The following KLRG2 variants were observed in gnomAD, a reference collection of about 807,000 sequenced individuals.
KLRG2 encodes the protein killer cell lectin-like receptor subfamily G member 2.
A neutral mutation model predicts 35.4 loss-of-function variants in KLRG2; 39 were observed. The ratio of observed to expected loss-of-function variants is 1.10; its 90% confidence interval spans 0.85 to 1.44. The LOEUF is 1.44. Ranked by LOEUF, KLRG2 falls within the 40% of genes most tolerant of loss-of-function variation. The pLI, the probability that KLRG2 is intolerant of heterozygous loss-of-function variation, is 0.00. For missense variants in KLRG2, 632 were observed against 570.9 expected, an observed-to-expected ratio of 1.11 and a Z score of -1.09; for synonymous variants, 283 against 265.8, an observed-to-expected ratio of 1.06 and a Z score of -0.63.
At chr7:139,428,903 GAGC>G in the KLRG2 span, among the ~76,000 whole-genome samples, 1 of 152,222 alleles carries the variant, frequency 6.6e-6, no homozygotes, top group Non-Finnish European at 1.5e-5. Flanking sequence ...AACACATAAA[GAGC>G]GGGTGTAACA....
chr7:139,445,797 G>GTATATATA, the KLRG2 span, among the ~76,000 whole-genome samples: 112 of 99,050 alleles, frequency 1.1e-3, 10 homozygotes, highest in African/African-American at 8.1e-3. Flanking sequence ...ATATATGTGT[G>GTATATATA]TATATATATA....
chr7:139,453,803 A>G, intron 4 of KLRG2, 96 bp from the exon 5 acceptor site: 2 of 1,462,694 alleles, frequency 1.4e-6, no homozygotes, highest in African/African-American at 1.4e-5. Flanking sequence ...TGTCACCTCT[A>G]CCGGCCTGGG....
At chr7:139,478,508 A>G (rs1300495551) in intron 3 of KLRG2, among the ~76,000 whole-genome samples, 1 of 152,008 alleles carries the variant, frequency 6.6e-6, no homozygotes, top group Non-Finnish European at 1.5e-5. Flanking sequence ...CATCTCTACT[A>G]AAAATACAAA....
intron 3 of KLRG2, among the ~76,000 whole-genome samples, chr7:139,476,443 CTTTT>C (rs10543223): frequency 0.16 from 22,926 of 147,622 alleles, 1,893 homozygotes; most frequent in Middle Eastern, 0.19. Flanking sequence ...GTGTCACTAT[CTTTT>C]TTTTTTTTCC....
chr7:139,446,022 G>A, the KLRG2 span, among the ~76,000 whole-genome samples: 2 of 151,762 alleles, frequency 1.3e-5, no homozygotes, highest in Non-Finnish European at 1.5e-5. Flanking sequence ...TAGTAGAAAC[G>A]AGGTTTCCAT....
intron 3 of KLRG2, among the ~76,000 whole-genome samples, chr7:139,475,585 C>G (rs1414749613): frequency 6.6e-6 from 1 of 151,856 alleles, no homozygotes; most frequent in Non-Finnish European, 1.5e-5. Flanking sequence ...CACACCCCAC[C>G]CAGCTCTATA....
chr7:139,471,539 T>C (rs1796755516), intron 3 of KLRG2, among the ~76,000 whole-genome samples: 1 of 152,024 alleles, frequency 6.6e-6, no homozygotes, highest in African/African-American at 2.4e-5. Flanking sequence ...CAGGTGCCTG[T>C]AACCCCAGCT....
the KLRG2 span, among the ~76,000 whole-genome samples, chr7:139,428,551 G>A: frequency 6.6e-6 from 1 of 152,076 alleles, no homozygotes; most frequent in Non-Finnish European, 1.5e-5. Context: ...GAGCTACCCT[G>A]CCTGGCCAGT....
the KLRG2 span, among the ~76,000 whole-genome samples, chr7:139,431,870 GA>G: frequency 2.6e-5 from 4 of 152,108 alleles, no homozygotes; most frequent in Non-Finnish European, 5.9e-5. Context: ...GAAAGGGTTA[GA>G]AGCTATTTTT....
chr7:139,464,458 G>A lies in KLRG2; in HGVS notation c.1006-10244C>T, dbSNP rs182433006. Among the ~76,000 whole-genome samples, 428 of 152,088 alleles carry A rather than the reference G, an allele frequency of 2.8e-3. 2 individuals are homozygous for A. Among genetic ancestry groups the A allele is most frequent in the Non-Finnish European group, 4.8e-3 (328 of 67,992 alleles). Reference sequence around the variant, plus strand: ...CCAAATTGTTTTGCCTATCCACCCCGTGGTGCCAAACCCATATACTCTCCT... The same window carrying A: ...CCAAATTGTTTTGCCTATCCACCCCATGGTGCCAAACCCATATACTCTCCT... On this transcript the variant is annotated intron_variant, in intron 3 of 4. Coordinates refer to ENST00000340940, the MANE Select transcript of KLRG2 (RefSeq NM_198508.4).
the KLRG2 span, among the ~76,000 whole-genome samples, chr7:139,431,999 T>C: frequency 6.6e-6 from 1 of 151,880 alleles, no homozygotes; most frequent in Non-Finnish European, 1.5e-5. Context: ...GAGACATGAA[T>C]ATGGTGTTTT....
chr7:139,483,626 TC>T lies in KLRG2; in HGVS notation c.16del (p.Glu6ArgfsTer121). 1 of 1,558,498 alleles carries T rather than the reference TC, an allele frequency of 6.4e-7. No homozygotes were observed. Among genetic ancestry groups the T allele is most frequent in the Non-Finnish European group, 8.6e-7 (1 of 1,161,402 alleles). ...CCCGGCTTGGCCTCCGGGCGCAGCC[TC>T]CCAAGACTCCTCCATCCCGCGCGCC... MEESWEAAPGGQAGAE... is the reference protein window; with the variant it reads MEESWXAAPGGQAGAE... On this transcript the variant is annotated frameshift_variant, in exon 1 of 5. Coordinates refer to ENST00000340940, the MANE Select transcript of KLRG2 (RefSeq NM_198508.4). LOFTEE classifies it high-confidence loss of function.
intron 3 of KLRG2, among the ~76,000 whole-genome samples, chr7:139,465,276 C>T (rs1796632014): frequency 6.6e-6 from 1 of 152,196 alleles, no homozygotes; most frequent in East Asian, 1.9e-4. Flanking sequence ...TTAAATATGC[C>T]TTCCATATCC....
chr7:139,428,098 AGACTG>A, the KLRG2 span, among the ~76,000 whole-genome samples: 1 of 152,232 alleles, frequency 6.6e-6, no homozygotes, highest in African/African-American at 2.4e-5. Flanking sequence ...ATTACAAAAA[AGACTG>A]AAATGAATGA....
chr7:139,448,157 A>G (rs1165407258), downstream of KLRG2, among the ~76,000 whole-genome samples: 1 of 151,894 alleles, frequency 6.6e-6, no homozygotes, highest in African/African-American at 2.4e-5. Flanking sequence ...CACCACGCCC[A>G]GCTTATTTTT....
At chr7:139,439,390 C>A in the KLRG2 span, among the ~76,000 whole-genome samples, 1 of 152,212 alleles carries the variant, frequency 6.6e-6, no homozygotes, top group East Asian at 1.9e-4. Context: ...CTTGAGGGAG[C>A]TTTCTGGGGG....
intron 3 of KLRG2, among the ~76,000 whole-genome samples, chr7:139,456,389 G>A (rs1043664806): frequency 2.0e-5 from 3 of 151,936 alleles, no homozygotes; most frequent in Admixed American, 6.6e-5. Flanking sequence ...TTTTTGAGAC[G>A]GAGTCTTGCT....
chr7:139,448,587 C>T (rs1238969333), downstream of KLRG2, among the ~76,000 whole-genome samples: 1 of 151,552 alleles, frequency 6.6e-6, no homozygotes, highest in Non-Finnish European at 1.5e-5. Context: ...CCCAGCTACT[C>T]GAGGCTGAGG....
downstream of KLRG2, among the ~76,000 whole-genome samples, chr7:139,447,713 G>A (rs979864445): frequency 2.0e-5 from 3 of 151,734 alleles, no homozygotes; most frequent in African/African-American, 7.3e-5. Flanking sequence ...TTTTGAATTG[G>A]GCCATTCTTG....
Sources: allele counts gnomAD v4.1 joint callset (sites outside exome capture counted in the v4.1 genomes callset), GRCh38; gene constraint gnomAD v4.1.1; transcripts MANE v1.5; gene names NCBI Gene and HGNC (gene_info 2026-07-23, HGNC 2026-07-21).